DNAJC9: variants seen among roughly 807,000 people sequenced by gnomAD.
The protein encoded by DNAJC9 is DnaJ heat shock protein family (Hsp40) member C9.
In DNAJC9, 18 loss-of-function variants were observed where a neutral mutation model predicts 32.4. The observed-to-expected ratio is 0.56, with a 90% CI of 0.38 to 0.82. The LOEUF (loss-of-function observed/expected upper bound fraction) is 0.82, where lower values mean the gene tolerates loss of function less well. Ranked by LOEUF, DNAJC9 falls within the 40% of genes least tolerant of loss-of-function variation. DNAJC9 has a pLI of 0.00. For missense variants in DNAJC9, 310 were observed against 321.8 expected (o/e 0.96, Z 0.28); for synonymous variants, 113 against 122.1 (o/e 0.93, Z 0.49).
At position 73,243,345 on chromosome 10, in the gene DNAJC9, C is replaced by G. The variant is rs1314774041; in HGVS notation, c.*55G>C. The stretch of plus-strand genomic sequence containing the variant: ...TTTTGCCTTCAAATCCTGCCTGCAC[C>G]TTGCCTACGATGGCATCAATTTACA... On this transcript the variant is annotated 3_prime_UTR_variant, in exon 5 of 5. Transcript: ENST00000372950. 2.5e-6 allele frequency: 4 copies of G among 1,602,112 alleles called. No individual in the cohort carries two copies. Among genetic ancestry groups the G allele is most frequent in the Admixed American group, 3.4e-5 (2 of 59,444 alleles).
downstream of DNAJC9, chr10:73,235,350 A>G (rs2043798913): frequency 5.8e-6 from 9 of 1,550,152 alleles, no homozygotes; most frequent in Non-Finnish European, 7.8e-6. Context: ...AATGGTCTTG[A>G]TAGTTGGGGA....
At chr10:73,239,152 A>G (rs1407962814), downstream of DNAJC9, 8 of 559,938 alleles carry the variant, frequency 1.4e-5, no homozygotes, top group African/African-American at 1.5e-4. Context: ...GGGATTTTCT[A>G]CTTGAAATTC....
At chr10:73,241,459 T>A (rs1385997679), downstream of DNAJC9, 2 of 174,978 alleles carry the variant, frequency 1.1e-5, no homozygotes, top group Admixed American at 1.1e-4. Context: ...CAGTTTTAAG[T>A]CATTTTGCTG....
chr10:73,234,977 C>A, downstream of DNAJC9: 1 of 1,548,010 alleles, frequency 6.5e-7, no homozygotes, highest in South Asian at 1.2e-5. Context: ...ATGTACTTAC[C>A]ATACAACCTA....
chr10:73,238,924 A>T (rs2043883614), downstream of DNAJC9: 1 of 159,356 alleles, frequency 6.3e-6, no homozygotes, highest in Admixed American at 6.4e-5. Flanking sequence ...AGTCATAAGT[A>T]TTTCAATGTT....
intron 2 of DNAJC9, among the ~76,000 whole-genome samples, chr10:73,232,778 G>A (rs1228023247): frequency 6.6e-6 from 1 of 152,210 alleles, no homozygotes; most frequent in Non-Finnish European, 1.5e-5. Context: ...GCCTGAGCTA[G>A]AGTACCATCT....
chr10:73,243,861 G>C lies in DNAJC9; in HGVS notation c.645C>G (p.Ser215Arg). The stretch of plus-strand genomic sequence containing the variant: ...AGTTTACCTGAATGGCTGCCTTCAG[G>C]CTATCCACGCCTTCATCAAGCCCCA... Reference protein sequence around the residue: ...KELGLDEGVDSLKAAIQSRQK... With the variant: ...KELGLDEGVDRLKAAIQSRQK... Residue 215 changes from serine to arginine, a missense_variant, in exon 4 of 5, where the codon AGC becomes AGG. Physicochemically the swap from Ser to Arg is moderately radical, Grantham distance 110. Coordinates refer to ENST00000372950, the MANE Select transcript of DNAJC9 (RefSeq NM_015190.5). 6.2e-7 allele frequency: 1 copy of C among 1,613,906 alleles called. No individual in the cohort carries two copies. The highest frequency in any genetic ancestry group is 1.1e-5 in the South Asian group (1 of 91,016).
chr10:73,236,642 G>A (rs1053827231), downstream of DNAJC9, among the ~76,000 whole-genome samples: 2 of 151,652 alleles, frequency 1.3e-5, no homozygotes, highest in Non-Finnish European at 2.9e-5. Flanking sequence ...TCGAACTCCT[G>A]ACCTCATTAT....
intron 2 of DNAJC9, 102 bp downstream of exon 2, chr10:73,246,585 TC>T: frequency 7.3e-7 from 1 of 1,375,494 alleles, no homozygotes; most frequent in Non-Finnish European, 1.0e-6. Context: ...AATTCCTAAT[TC>T]CTACAAAATT....
chr10:73,243,946 C>T lies in DNAJC9; in HGVS notation c.577-17G>A, dbSNP rs2043980336. 2.5e-6 allele frequency: 4 copies of T among 1,610,082 alleles called. No homozygotes were observed. Among genetic ancestry groups the T allele is most frequent in the Non-Finnish European group, 3.4e-6 (4 of 1,177,748 alleles). ...TTCCTGAGCCTGAAACAGGAACTCACATGAGACTCAGGGCCACCAGGAAAT... is the reference window on the plus strand; with the variant it reads ...TTCCTGAGCCTGAAACAGGAACTCATATGAGACTCAGGGCCACCAGGAAAT... On this transcript the variant is annotated splice_polypyrimidine_tract_variant and intron_variant, in intron 3 of 4. Coordinates refer to ENST00000372950, the MANE Select transcript of DNAJC9 (RefSeq NM_015190.5).
downstream of DNAJC9, among the ~76,000 whole-genome samples, chr10:73,239,934 ATG>A (rs2043903951): frequency 6.6e-6 from 1 of 152,146 alleles, no homozygotes; most frequent in African/African-American, 2.4e-5. Flanking sequence ...AAATTGAGGG[ATG>A]TCTTTTTTGA....
At chr10:73,243,739 G>A (rs1376527038) in intron 4 of DNAJC9, 104 bp downstream of exon 4, 5 of 1,168,868 alleles carry the variant, frequency 4.3e-6, no homozygotes. Context: ...TAGAAGGTAT[G>A]CGGTTATGTC....
In DNAJC9 at chr10:73,246,996, G is replaced by A; in HGVS notation, c.180+14C>T. ...CCGCGCAGCCGGTCGGCTTCGGGGC[G>A]GGACCCTGCATACCTGGAAGCGGCG... On this transcript the variant is annotated intron_variant, in intron 1 of 4. Coordinates refer to ENST00000372950, the MANE Select transcript of DNAJC9 (RefSeq NM_015190.5). 6.4e-7 allele frequency: 1 copy of A among 1,558,944 alleles called. No homozygotes were observed. The highest frequency in any genetic ancestry group is 1.2e-5 in the South Asian group (1 of 83,524).
At chr10:73,235,474 C>T, downstream of DNAJC9, 1 of 1,427,966 alleles carries the variant, frequency 7.0e-7, no homozygotes, top group Non-Finnish European at 9.2e-7. Flanking sequence ...ACATTTTGTT[C>T]AAATTCTAAC....
Position 73,246,912 on chromosome 10 carries a change from GC to G in DNAJC9, c.181-85del, listed in dbSNP as rs1438831658. On this transcript the variant is annotated intron_variant, in intron 1 of 4. Coordinates refer to ENST00000372950, the MANE Select transcript of DNAJC9 (RefSeq NM_015190.5). The stretch of plus-strand genomic sequence containing the variant: ...AGAAATAAAGATCAGAAGGCGCCAA[GC>G]GGAGCTCAGCGCGCTCCCCCGGGGC... 12 of 1,596,416 alleles carry G rather than the reference GC, an allele frequency of 7.5e-6. No homozygotes were observed. The Admixed American group carries it at 1.5e-4, about 21-fold the overall frequency.
intron 2 of DNAJC9, among the ~76,000 whole-genome samples, chr10:73,233,681 TTC>T (rs2043761549): frequency 6.6e-6 from 1 of 152,200 alleles, no homozygotes; most frequent in Non-Finnish European, 1.5e-5. Context: ...TATTGAATCT[TTC>T]TGTTGATCTA....
intron 4 of DNAJC9, 97 bp downstream of exon 4, chr10:73,243,745 AT>A: frequency 8.2e-7 from 1 of 1,214,276 alleles, no homozygotes; most frequent in Non-Finnish European, 1.2e-6. Flanking sequence ...GTATGCGGTT[AT>A]GTCTTAAAAG....
chr10:73,237,418 A>T (rs1476588008), downstream of DNAJC9, among the ~76,000 whole-genome samples: 2 of 151,902 alleles, frequency 1.3e-5, no homozygotes, highest in Non-Finnish European at 2.9e-5. Context: ...AGATTCTCTG[A>T]AACTTTTTTT....
downstream of DNAJC9, chr10:73,240,936 C>T (rs908322648): frequency 3.3e-6 from 5 of 1,497,560 alleles, no homozygotes; most frequent in African/African-American, 7.2e-5. Flanking sequence ...TACTCTATGT[C>T]ATCTGACAGG....
Sources: allele counts gnomAD v4.1 joint callset (sites outside exome capture counted in the v4.1 genomes callset), GRCh38; gene constraint gnomAD v4.1.1; transcripts MANE v1.5; gene names NCBI Gene and HGNC (gene_info 2026-07-23, HGNC 2026-07-21).